Variants in CLCC1 observed in about 807,000 individuals in gnomAD.
The protein encoded by CLCC1 is chloride channel CLIC like 1.
CLCC1 carries 39 observed loss-of-function variants against 63.3 expected under a neutral mutation model. The ratio of observed to expected loss-of-function variants is 0.62; its 90% confidence interval spans 0.48 to 0.81. The LOEUF is 0.81. Among genes scored for constraint, CLCC1 ranks in the 30% least tolerant of loss-of-function variants. The probability of loss-of-function intolerance (pLI) is 0.00; values close to 1 mark genes in which losing one functional copy is unlikely to be tolerated. For missense variants in CLCC1, 549 were observed against 669.4 expected (o/e 0.82, Z 1.98); for synonymous variants, 217 against 239.8 (o/e 0.90, Z 0.88).
chr1:108,934,304 T>G, intron 12 of CLCC1: 1 of 198,270 alleles, frequency 5.0e-6, no homozygotes, highest in Non-Finnish European at 1.0e-5. Flanking sequence ...GCAATGTAAA[T>G]TGGTTAGTGG....
chr1:108,944,095 GA>G, intron 5 of CLCC1, 38 bp from the exon 6 acceptor site: 1 of 1,429,064 alleles, frequency 7.0e-7, no homozygotes, highest in Non-Finnish European at 9.5e-7. Context: ...AATAGAAAGA[GA>G]ATTTTATTAC....
At chr1:108,959,534 ATT>A (rs1656363585) in intron 2 of CLCC1, among the ~76,000 whole-genome samples, 2 of 152,206 alleles carry the variant, frequency 1.3e-5, no homozygotes, top group African/African-American at 4.8e-5. Flanking sequence ...ATTATTGTGT[ATT>A]GTTATAATTT....
intron 2 of CLCC1, among the ~76,000 whole-genome samples, chr1:108,956,532 G>A (rs1278378342): frequency 6.6e-6 from 1 of 150,466 alleles, no homozygotes; most frequent in African/African-American, 2.5e-5. Flanking sequence ...ATGGTGGCAC[G>A]CGCCTGTAGT....
rs557319570 is a variant in CLCC1, at chr1:108,939,531, G to A, written c.1041+105C>T. The A allele has an allele frequency of 2.4e-5, 22 of 925,414 alleles. No individual in the cohort carries two copies. The South Asian group carries it at 2.4e-4, about 10-fold the overall frequency. The allele number at this position is 925,414 out of a possible 1,614,324, so 57.3% of individuals were successfully genotyped here. On this transcript the variant is annotated intron_variant, in intron 10 of 12. Coordinates refer to ENST00000369969, the MANE Select transcript of CLCC1 (RefSeq NM_001377458.1). Reference sequence around the variant, plus strand: ...TCACTGTGTTAGCCAGGATGGTCTCGATCTCCTGACCTCGTGATCCGCCCG... The same window carrying A: ...TCACTGTGTTAGCCAGGATGGTCTCAATCTCCTGACCTCGTGATCCGCCCG...
rs548005693 is a variant in CLCC1, at chr1:108,931,431, C to G, written c.*1116G>C. The G allele has an allele frequency of 6.4e-7, 1 of 1,550,974 alleles. No homozygotes were observed. Among genetic ancestry groups the G allele is most frequent in the South Asian group, 1.2e-5 (1 of 84,060 alleles). On this transcript the variant is annotated 3_prime_UTR_variant, in exon 13 of 13. Transcript: ENST00000369969. The stretch of plus-strand genomic sequence containing the variant: ...CTGGATCACAGACTGCAAAGGCCCA[C>G]GCTTGGAACAAGTTGCCAACTTGTT...
Position 108,929,598 on chromosome 1 carries a change from A to G in CLCC1, c.*2949T>C. The G allele has an allele frequency of 9.9e-7, 1 of 1,011,232 alleles. No individual in the cohort carries two copies. The highest frequency in any genetic ancestry group is 1.3e-5 in the South Asian group (1 of 74,172). 62.6% of individuals were successfully genotyped at this position (1,011,232 alleles called of 1,614,324 possible). A position where few individuals can be genotyped will look rare whatever the true frequency, so the allele number is the denominator to read the frequency against. ...GATTAATTTCTGAGAAGCCCCAAAT[A>G]AAAGTTTACAACTGCGTTTTCTTGT... On this transcript the variant is annotated 3_prime_UTR_variant, in exon 13 of 13. Coordinates refer to ENST00000369969, the MANE Select transcript of CLCC1 (RefSeq NM_001377458.1).
intron 10 of CLCC1, among the ~76,000 whole-genome samples, chr1:108,938,936 A>C (rs1451693027): frequency 6.6e-6 from 1 of 152,104 alleles, no homozygotes; most frequent in Non-Finnish European, 1.5e-5. Context: ...TATACAAGTA[A>C]GTATAATATG....
Position 108,931,640 on chromosome 1 carries a change from A to AC in CLCC1, c.*906_*907insG. The AC allele has an allele frequency of 8.9e-7, 1 of 1,121,448 alleles. No homozygotes were observed. Among genetic ancestry groups the AC allele is most frequent in the East Asian group, 2.7e-5 (1 of 36,558 alleles). 69.5% of individuals were successfully genotyped at this position (1,121,448 alleles called of 1,614,324 possible). ...TTAAGTGCTCAGCTAAAAAAAAAAA[A>AC]AAAGTTCTAAATTACAACCTGGATT... is the stretch of plus-strand genomic sequence containing the variant. On this transcript the variant is annotated 3_prime_UTR_variant, in exon 13 of 13. Transcript: ENST00000369969.
chr1:108,944,772 G>C (rs1358123155), intron 5 of CLCC1, among the ~76,000 whole-genome samples: 4 of 152,036 alleles, frequency 2.6e-5, no homozygotes, highest in African/African-American at 2.4e-5. Context: ...TGGGACTACA[G>C]GTGCCCGCCA....
intron 10 of CLCC1, among the ~76,000 whole-genome samples, chr1:108,939,288 A>G (rs1020845469): frequency 5.4e-4 from 79 of 146,378 alleles, no homozygotes; most frequent in Non-Finnish European, 1.0e-3. Flanking sequence ...AGATAGATAT[A>G]TAAATATACA....
In CLCC1 at chr1:108,930,169, G is replaced by T; in HGVS notation, c.*2378C>A. On this transcript the variant is annotated 3_prime_UTR_variant, in exon 13 of 13. Coordinates refer to ENST00000369969, the MANE Select transcript of CLCC1 (RefSeq NM_001377458.1). Reference sequence around the variant, plus strand: ...CTTCATCGTCTGTGATTACTGCTTGGGATGTGTTCTTTGGCAGCTTGTGAG... The same window carrying T: ...CTTCATCGTCTGTGATTACTGCTTGTGATGTGTTCTTTGGCAGCTTGTGAG... 2 of 493,818 alleles carry T rather than the reference G, an allele frequency of 4.1e-6. No homozygotes were observed. Among genetic ancestry groups the T allele is most frequent in the Non-Finnish European group, 7.2e-6 (2 of 279,686 alleles). The allele number at this position is 493,818 out of a possible 1,614,324, so 30.6% of individuals were successfully genotyped here. A position where few individuals can be genotyped will look rare whatever the true frequency, so the allele number is the denominator to read the frequency against.
chr1:108,949,971 A>C (rs771261182), intron 3 of CLCC1, 50 bp from the exon 4 acceptor site: 3 of 1,147,550 alleles, frequency 2.6e-6, no homozygotes, highest in Non-Finnish European at 3.8e-6. Context: ...TAGTTACAAA[A>C]ATAGCCTTTG....
chr1:108,959,852 G>A (rs533629343), intron 2 of CLCC1, among the ~76,000 whole-genome samples: 11 of 152,268 alleles, frequency 7.2e-5, no homozygotes, highest in South Asian at 4.1e-4. Flanking sequence ...GTTTCTGGCC[G>A]GTTGTGGCGA....
intron 3 of CLCC1, 35 bp from the exon 4 acceptor site, chr1:108,949,956 T>C (rs1171239168): frequency 1.5e-6 from 2 of 1,290,574 alleles, no homozygotes; most frequent in East Asian, 2.4e-5. Flanking sequence ...TATTTCTTTA[T>C]AGTTTAGTTA....
rs1557884205 is a variant in CLCC1 at position 108,929,694 on chromosome 1, C to A, written c.*2853G>T. On this transcript the variant is annotated 3_prime_UTR_variant, in exon 13 of 13. Coordinates refer to ENST00000369969, the MANE Select transcript of CLCC1 (RefSeq NM_001377458.1). Reference sequence around the variant, plus strand: ...TATGTCTTTTAATCTCTCTCATAAACTTCTAGGGATCCAGATTAGATGATC... The same window carrying A: ...TATGTCTTTTAATCTCTCTCATAAAATTCTAGGGATCCAGATTAGATGATC... 6.2e-7 allele frequency: 1 copy of A among 1,612,574 alleles called. No individual in the cohort carries two copies. The highest frequency in any genetic ancestry group is 1.1e-5 in the South Asian group (1 of 91,054).
chr1:108,950,056 C>A, intron 3 of CLCC1, 135 bp from the exon 4 acceptor site: 2 of 662,144 alleles, frequency 3.0e-6, no homozygotes, highest in Non-Finnish European at 5.0e-6. Flanking sequence ...TACTGAACCA[C>A]AAAAAAAAAG....
intron 2 of CLCC1, among the ~76,000 whole-genome samples, chr1:108,957,235 C>T (rs1386368900): frequency 6.6e-6 from 1 of 151,514 alleles, no homozygotes; most frequent in East Asian, 1.9e-4. Flanking sequence ...CTTCTTCCTT[C>T]TGGACAAATG....
intron 2 of CLCC1, among the ~76,000 whole-genome samples, chr1:108,958,867 G>A (rs959404387): frequency 2.1e-5 from 3 of 143,902 alleles, no homozygotes; most frequent in East Asian, 2.1e-4. Context: ...GCGACAGAGC[G>A]AGACTCCATC....
chr1:108,950,198 G>T, intron 3 of CLCC1, 111 bp downstream of exon 3: 1 of 1,053,672 alleles, frequency 9.5e-7, no homozygotes, highest in Non-Finnish European at 1.4e-6. Context: ...CTGCATAATT[G>T]CTAATCATGG....
Sources: gnomAD v4.1 joint callset for allele counts (sites outside exome capture counted in the v4.1 genomes callset) on GRCh38, gnomAD v4.1.1 for gene constraint, MANE v1.5 for transcripts, NCBI Gene and HGNC (gene_info 2026-07-23, HGNC 2026-07-21) for gene names.